The following DDX10 variants were observed in gnomAD, a reference collection of about 807,000 sequenced individuals.
DDX10 encodes probable ATP-dependent RNA helicase DDX10.
Under a neutral mutation model 104.3 loss-of-function variants are expected in DDX10, and 74 were observed. The ratio of observed to expected loss-of-function variants is 0.71; its 90% CI spans 0.59 to 0.86. DDX10 has a LOEUF of 0.86. Among genes scored for constraint, DDX10 ranks in the 40% least tolerant of loss-of-function variants. The pLI is 0.00. For synonymous variants in DDX10, 351 were observed against 353.4 expected, an observed-to-expected ratio of 0.99 and a Z score of 0.08; for missense variants, 952 against 1,040.0, an observed-to-expected ratio of 0.92 and a Z score of 1.16.
chr11:108,691,175 G>C (rs2094252007), intron 7 of DDX10, among the ~76,000 whole-genome samples: 1 of 152,088 alleles, frequency 6.6e-6, no homozygotes, highest in African/African-American at 2.4e-5. Context: ...GACTTTAATG[G>C]GGTCTTTCTC....
chr11:108,885,666 C>T (rs374764983), intron 16 of DDX10, among the ~76,000 whole-genome samples: 68 of 152,250 alleles, frequency 4.5e-4, no homozygotes, highest in African/African-American at 1.4e-3. Flanking sequence ...TGAGCCACTG[C>T]GTCCGGCCCA....
At chr11:108,684,147 TTTTTTTTTTTTTTAAGGTTATAGATTTTC>T (rs2094239523) in intron 6 of DDX10, among the ~76,000 whole-genome samples, 1 of 139,844 alleles carries the variant, frequency 7.2e-6, no homozygotes, top group Admixed American at 7.4e-5. Context: ...AGTTCTTTTT[TTTTTTTTTTTTTTAAGGTTATAGATTTTC>T]TTTTTTTTTT....
At chr11:108,854,058 G>A (rs1862832178) in intron 16 of DDX10, among the ~76,000 whole-genome samples, 2 of 152,174 alleles carry the variant, frequency 1.3e-5, no homozygotes, top group Non-Finnish European at 2.9e-5. Context: ...ATCAGTGGCT[G>A]GTCTGCAGCC....
chr11:108,724,300 A>T (rs1242381473), intron 13 of DDX10, among the ~76,000 whole-genome samples: 1 of 152,082 alleles, frequency 6.6e-6, no homozygotes, highest in Non-Finnish European at 1.5e-5. Context: ...AAAAACCTAG[A>T]AAATGTGCTT....
rs182724926 is a variant in DDX10 at position 108,750,269 on chromosome 11, A to G, written c.1965+26807A>G. Among the ~76,000 whole-genome samples, 31 of 152,002 alleles carry G rather than the reference A, an allele frequency of 2.0e-4. No homozygotes were observed. In the East Asian group the frequency reaches 5.2e-3, roughly 26 times the overall value. The stretch of plus-strand genomic sequence containing the variant: ...AGTATGTTTAGCAGTTAGTGATGCT[A>G]TAGTACCCACTACCAGCTTATTTAG... On this transcript the variant is annotated intron_variant, in intron 13 of 17. Transcript: ENST00000322536.
At chr11:108,773,000 C>A (rs1167454186) in intron 13 of DDX10, among the ~76,000 whole-genome samples, 2 of 152,126 alleles carry the variant, frequency 1.3e-5, no homozygotes, top group Non-Finnish European at 2.9e-5. Flanking sequence ...ATAGTTTTGA[C>A]CATGCAGACT....
chr11:108,879,911 C>T (rs894490027), intron 16 of DDX10, among the ~76,000 whole-genome samples: 1 of 152,054 alleles, frequency 6.6e-6, no homozygotes, highest in Non-Finnish European at 1.5e-5. Context: ...ATAGATATTA[C>T]TGCATATTTT....
In DDX10 at chr11:108,715,936, A is replaced by G; in HGVS notation, c.1380A>G (p.Gln460=). 1 of 1,567,496 alleles carries G rather than the reference A, an allele frequency of 6.4e-7. No individual in the cohort carries two copies. The highest frequency in any genetic ancestry group is 8.8e-7 in the Non-Finnish European group (1 of 1,140,688). Residue 460 remains glutamine, a synonymous_variant, in exon 11 of 18, where the codon CAA becomes CAG. Coordinates refer to ENST00000322536, the MANE Select transcript of DDX10 (RefSeq NM_004398.4). The part of the protein sequence containing the change: ...VQKKLESILA[Q]DQDLKERAQR... ...AAAAATTGGAATCTATTTTAGCTCA[A>G]GATCAAGATTTAAAAGAAAGAGCTC...
intron 16 of DDX10, among the ~76,000 whole-genome samples, chr11:108,869,859 C>T (rs991928741): frequency 1.3e-5 from 2 of 152,056 alleles, no homozygotes; most frequent in African/African-American, 4.8e-5. Flanking sequence ...TTCATTCTTT[C>T]ACTTGCTCAG....
At chr11:108,691,428 T>C (rs1450446547) in intron 7 of DDX10, among the ~76,000 whole-genome samples, 3 of 152,194 alleles carry the variant, frequency 2.0e-5, no homozygotes, top group Admixed American at 6.5e-5. Context: ...GTCCCACACA[T>C]TGAGATATAT....
At chr11:108,694,771 C>T (rs1406621187) in intron 9 of DDX10, among the ~76,000 whole-genome samples, 2 of 152,152 alleles carry the variant, frequency 1.3e-5, no homozygotes, top group Non-Finnish European at 2.9e-5. Flanking sequence ...GTCTCAGCTC[C>T]TTGGGAGGCT....
intron 13 of DDX10, among the ~76,000 whole-genome samples, chr11:108,806,128 G>GT (rs1402881904): frequency 2.0e-5 from 3 of 151,698 alleles, no homozygotes; most frequent in South Asian, 4.2e-4. Context: ...CGCCCGGCTA[G>GT]TTTTTTTTAT....
chr11:108,678,931 C>T (rs1036069677), intron 5 of DDX10, among the ~76,000 whole-genome samples: 2 of 125,138 alleles, frequency 1.6e-5, no homozygotes, highest in Admixed American at 1.1e-4. Context: ...GGCTGGAGTA[C>T]GGTGGCATGA....
chr11:108,677,010 G>T, intron 3 of DDX10, 75 bp from the exon 4 acceptor site: 1 of 1,395,310 alleles, frequency 7.2e-7, no homozygotes. Context: ...TTGATTTGGA[G>T]GGGCAAGGTT....
chr11:108,759,995 A>C (rs570621307), intron 13 of DDX10, among the ~76,000 whole-genome samples: 1 of 149,770 alleles, frequency 6.7e-6, no homozygotes, highest in East Asian at 2.0e-4. Context: ...GCCTGCATTG[A>C]TCCATGTTAA....
intron 7 of DDX10, 111 bp from the exon 8 acceptor site, chr11:108,691,765 T>C: frequency 1.2e-6 from 1 of 803,526 alleles, no homozygotes; most frequent in South Asian, 3.8e-5. Context: ...TTGGTTGGAA[T>C]TGGGTATCAC....
chr11:108,826,168 C>CT (rs1166482806), intron 13 of DDX10, among the ~76,000 whole-genome samples: 7 of 152,034 alleles, frequency 4.6e-5, no homozygotes, highest in Non-Finnish European at 7.4e-5. Flanking sequence ...GTCTGAAAAT[C>CT]TTTTTTTTAA....
Position 108,940,498 on chromosome 11 carries a change from T to C in DDX10, c.*75T>C, listed in dbSNP as rs1864095470. ...GGCAAGAAGTTGAAAAACAGTTGAT[T>C]TGGGGGCACTTAGGTACCATATGCC... On this transcript the variant is annotated 3_prime_UTR_variant, in exon 18 of 18. Coordinates refer to ENST00000322536, the MANE Select transcript of DDX10 (RefSeq NM_004398.4). 6.6e-7 allele frequency: 1 copy of C among 1,509,116 alleles called. No individual in the cohort carries two copies. Among genetic ancestry groups the C allele is most frequent in the Admixed American group, 1.9e-5 (1 of 52,690 alleles). The allele number at this position is 1,509,116 out of a possible 1,614,324, so 93.5% of individuals were successfully genotyped here. A position where few individuals can be genotyped will look rare whatever the true frequency, so the allele number is the denominator to read the frequency against.
chr11:108,788,910 G>A (rs1343860402), intron 13 of DDX10, among the ~76,000 whole-genome samples: 2 of 152,184 alleles, frequency 1.3e-5, no homozygotes, highest in Admixed American at 6.5e-5. Context: ...CCATGAAGGA[G>A]CCCTGTCCAG....
Sources: allele counts gnomAD v4.1 joint callset (sites outside exome capture counted in the v4.1 genomes callset), GRCh38; gene constraint gnomAD v4.1.1; transcripts MANE v1.5; gene names NCBI Gene and HGNC (gene_info 2026-07-23, HGNC 2026-07-21).